FAM107B: variants seen among roughly 807,000 people sequenced by gnomAD.
The protein encoded by FAM107B is family with sequence similarity 107 member B, also known as protein FAM107B.
FAM107B carries 21 observed loss-of-function variants against 31.5 expected under a neutral mutation model. That is an observed-to-expected ratio of 0.67 (90% CI 0.47 to 0.96). FAM107B has a LOEUF of 0.96. Ranked by LOEUF, FAM107B falls within the 40% of genes least tolerant of loss-of-function variation. The probability of loss-of-function intolerance (pLI) is 0.00; values close to 1 mark genes in which losing one functional copy is unlikely to be tolerated. For missense variants in FAM107B, 452 were observed against 377.1 expected (o/e 1.20, Z -1.64); for synonymous variants, 157 against 141.5 (o/e 1.11, Z -0.78).
intron 2 of FAM107B, among the ~76,000 whole-genome samples, chr10:14,542,269 C>CA (rs147609287): frequency 0.029 from 1,613 of 55,552 alleles, 38 homozygotes; most frequent in East Asian, 0.14. Flanking sequence ...GACTCCATCT[C>CA]AAAAAAAAAA....
intron 2 of FAM107B, among the ~76,000 whole-genome samples, chr10:14,578,440 C>T (rs2131296874): frequency 6.6e-6 from 1 of 152,286 alleles, no homozygotes; most frequent in Admixed American, 6.5e-5. Flanking sequence ...CACGGAGGCA[C>T]ATTTCCTTCG....
chr10:14,685,379 G>A (rs1854959306), intron 1 of FAM107B, among the ~76,000 whole-genome samples: 1 of 151,860 alleles, frequency 6.6e-6, no homozygotes, highest in South Asian at 2.1e-4. Context: ...AAACTCCTGG[G>A]CCCAAGCAAT....
chr10:14,719,165 G>A (rs1855852530), intron 1 of FAM107B, among the ~76,000 whole-genome samples: 5 of 152,118 alleles, frequency 3.3e-5, no homozygotes. Context: ...CAGGATCCGA[G>A]GCTCACTGAT....
chr10:14,645,665 A>G (rs1414990936), intron 2 of FAM107B, among the ~76,000 whole-genome samples: 1 of 152,170 alleles, frequency 6.6e-6, no homozygotes, highest in Non-Finnish European at 1.5e-5. Context: ...TTTCTCTTTT[A>G]CAAGTGGAAA....
At chr10:14,634,966 G>A (rs1248762364) in intron 2 of FAM107B, among the ~76,000 whole-genome samples, 4 of 152,074 alleles carry the variant, frequency 2.6e-5, no homozygotes, top group African/African-American at 9.7e-5. Context: ...GTGCATACCT[G>A]TAATCCCAGC....
rs1421915734 is a variant in FAM107B, at chr10:14,628,120, T to TTGTTTTTTTTGTTTTTCTTG, written c.469+39513_469+39514insCAAGAAAAACAAAAAAAACA. On this transcript the variant is annotated intron_variant, in intron 2 of 4. Transcript: ENST00000181796. ...TGTTTTTTGTTTTGCTGGTTTTTTT[T>TTGTTTTTTTTGTTTTTCTTG]TTTTTTTTTTTTTGAGATGGAGTTT... Among the ~76,000 whole-genome samples, 9 of 123,838 alleles carry TTGTTTTTTTTGTTTTTCTTG rather than the reference T, an allele frequency of 7.3e-5. 1 individual carries two copies. Among genetic ancestry groups the TTGTTTTTTTTGTTTTTCTTG allele is most frequent in the African/African-American group, 3.1e-4 (9 of 29,128 alleles). The allele number at this position is 123,838 out of a possible 152,430, so 81.2% of individuals were successfully genotyped here. A position where few individuals can be genotyped will look rare whatever the true frequency, so the allele number is the denominator to read the frequency against.
At position 14,774,258 on chromosome 10, in the gene FAM107B, G is replaced by A. The variant is rs369813405; in HGVS notation, c.406C>T (p.Pro136Ser). The A allele has an allele frequency of 3.1e-6, 5 of 1,607,594 alleles. No individual in the cohort carries two copies. Among genetic ancestry groups the A allele is most frequent in the Non-Finnish European group, 4.3e-6 (5 of 1,175,604 alleles). Residue 136 changes from proline (P) to serine (S), a missense_variant, in exon 1 of 5, where the codon CCC becomes TCC. Transcript: ENST00000181796. ...CAGAGCGAACACTCACTCACCTTGG[G>A]CGTGTCAATAATTGATGGTCTGGGG... is the stretch of plus-strand genomic sequence containing the variant. ...SIPRPSIIDT[P>S]KEEEFREEPK...
intron 1 of FAM107B, among the ~76,000 whole-genome samples, chr10:14,753,878 T>A (rs567960520): frequency 1.1e-3 from 166 of 147,322 alleles, no homozygotes; most frequent in Non-Finnish European, 2.1e-3. Flanking sequence ...ATACTATGGC[T>A]AAAAAAAAAA....
At chr10:14,707,210 G>A (rs1283314577) in intron 1 of FAM107B, among the ~76,000 whole-genome samples, 1 of 152,106 alleles carries the variant, frequency 6.6e-6, no homozygotes, top group African/African-American at 2.4e-5. Flanking sequence ...TTCACGTTAT[G>A]TGTATTTTAT....
intron 3 of FAM107B, chr10:14,529,470 A>G (rs961159028): frequency 6.6e-6 from 1 of 152,142 alleles, no homozygotes; most frequent in African/African-American, 2.4e-5. Flanking sequence ...TCTTTAAAAC[A>G]TTTGTTTAAC....
At chr10:14,528,016 T>C (rs769644615) in intron 3 of FAM107B, 1 of 385,104 alleles carries the variant, frequency 2.6e-6, no homozygotes, top group South Asian at 1.9e-5. Flanking sequence ...TTTTTTTTAA[T>C]GTATTTCCAA....
At position 14,525,724 on chromosome 10, in the gene FAM107B, C is replaced by T. The variant is rs551242822; in HGVS notation, c.654-3705G>A. Reference sequence around the variant, plus strand: ...CTGTTCACTATTAAAAACAATGAGGCTCTGAGCCTCTGTGGACATTTATAG... The same window carrying T: ...CTGTTCACTATTAAAAACAATGAGGTTCTGAGCCTCTGTGGACATTTATAG... On this transcript the variant is annotated intron_variant, in intron 3 of 4. Transcript: ENST00000181796. Among the ~76,000 whole-genome samples, 3 of 152,310 alleles carry T rather than the reference C, an allele frequency of 2.0e-5. No individual in the cohort carries two copies. In the East Asian group the frequency reaches 5.8e-4, roughly 29 times the overall value.
At position 14,530,414 on chromosome 10, in the gene FAM107B, T is replaced by C. The variant is rs1266563887; in HGVS notation, c.571A>G (p.Arg191Gly). The change falls in exon 3 of 5, where the codon AGG (arginine) becomes GGG (glycine). Residue 191 changes from arginine (R) to glycine (G), a missense_variant. Coordinates refer to ENST00000181796, the MANE Select transcript of FAM107B (RefSeq NM_031453.4). ...YIEDDNPELI[R>G]PQKLINPVKT... ...ACAGGATTGATCAGTTTCTGAGGCC[T>C]AATGAGTTCAGGATTGTCATCTTCT... The C allele has an allele frequency of 6.2e-7, 1 of 1,614,076 alleles. No homozygotes were observed. The highest frequency in any genetic ancestry group is 2.2e-5 in the East Asian group (1 of 44,900).
rs532143252 is a variant in FAM107B, at chr10:14,774,864, T to C, written c.-201A>G. On this transcript the variant is annotated 5_prime_UTR_variant, in exon 1 of 5. Transcript: ENST00000181796. ...AGCCGCTGGGGCCCCTTTGAAAGTGTCCATCCTGGGCAATTTCGCGCTCTT... is the reference window on the plus strand; with the variant it reads ...AGCCGCTGGGGCCCCTTTGAAAGTGCCCATCCTGGGCAATTTCGCGCTCTT... 4 of 601,660 alleles carry C rather than the reference T, an allele frequency of 6.6e-6. No individual in the cohort carries two copies. The African/African-American group carries it at 7.4e-5, about 11-fold the overall frequency. The allele number at this position is 601,660 out of a possible 1,614,324, so 37.3% of individuals were successfully genotyped here. A position where few individuals can be genotyped will look rare whatever the true frequency, so the allele number is the denominator to read the frequency against.
chr10:14,763,534 A>C (rs2131593388), intron 1 of FAM107B, among the ~76,000 whole-genome samples: 1 of 152,316 alleles, frequency 6.6e-6, no homozygotes, highest in South Asian at 2.1e-4. Context: ...TTGCAACATC[A>C]CTGCACCAAG....
At chr10:14,604,126 C>T in intron 2 of FAM107B, 1 of 615,514 alleles carries the variant, frequency 1.6e-6, no homozygotes. Context: ...CCCCCACCCG[C>T]CCGGCCGCCC....
Position 14,521,921 on chromosome 10 carries a change from T to C in FAM107B, c.752A>G (p.Lys251Arg). Residue 251 changes from lysine (K) to arginine (R), a missense_variant, in exon 4 of 5, where the codon AAG becomes AGG. By Grantham distance (26) the Lys-to-Arg change is conservative. Transcript: ENST00000181796. ...TAGCTCTATTTCCAAGTCAGATTTC[T>C]TCTTCTGTGCTTCTTCTTCCTTCTG... ...IKQKEEEAQK[K>R]KSDLEIELLK... The C allele has an allele frequency of 1.9e-6, 3 of 1,614,228 alleles. No individual in the cohort carries two copies. Among genetic ancestry groups the C allele is most frequent in the Non-Finnish European group, 2.5e-6 (3 of 1,180,028 alleles).
At chr10:14,573,506 C>T (rs1306143923) in intron 2 of FAM107B, among the ~76,000 whole-genome samples, 1 of 148,346 alleles carries the variant, frequency 6.7e-6, no homozygotes, top group Non-Finnish European at 1.5e-5. Flanking sequence ...GCAGGAGGAT[C>T]ACTTGAGGTC....
chr10:14,526,242 C>T (rs1564522705), intron 3 of FAM107B, among the ~76,000 whole-genome samples: 1 of 152,188 alleles, frequency 6.6e-6, no homozygotes, highest in Admixed American at 6.5e-5. Flanking sequence ...GGCATGACCT[C>T]GGCTCACTGC....
Sources: gnomAD v4.1 joint callset for allele counts (sites outside exome capture counted in the v4.1 genomes callset) on GRCh38, gnomAD v4.1.1 for gene constraint, MANE v1.5 for transcripts, NCBI Gene and HGNC (gene_info 2026-07-23, HGNC 2026-07-21) for gene names.